MEIS2: variants seen among roughly 807,000 people sequenced by gnomAD.
The protein encoded by MEIS2 is Meis homeobox 2.
A neutral mutation model predicts 58.6 loss-of-function variants in MEIS2; 9 were observed. The ratio of observed to expected loss-of-function variants is 0.15; its 90% CI spans 0.09 to 0.27. The LOEUF (loss-of-function observed/expected upper bound fraction) is 0.27. Ranked by LOEUF, MEIS2 falls within the 10% of genes least tolerant of loss-of-function variation. The pLI is 1.00. For missense variants in MEIS2, 427 were observed against 635.0 expected (o/e 0.67, Z 3.52); for synonymous variants, 221 against 228.4 (o/e 0.97, Z 0.29).
chr15:36,916,070 C>T (rs1473952651), intron 9 of MEIS2, among the ~76,000 whole-genome samples: 3 of 151,964 alleles, frequency 2.0e-5, no homozygotes, highest in Non-Finnish European at 4.4e-5. Flanking sequence ...TCAGTTAATG[C>T]TCATAATTTT....
At chr15:36,978,659 C>T (rs1338542290) in intron 8 of MEIS2, among the ~76,000 whole-genome samples, 1 of 152,118 alleles carries the variant, frequency 6.6e-6, no homozygotes, top group African/African-American at 2.4e-5. Context: ...TCTTTACCTC[C>T]CAAAACTTTT....
At chr15:37,097,436 C>G (rs1894407732) in intron 2 of MEIS2, 1 of 152,848 alleles carries the variant, frequency 6.5e-6, no homozygotes, top group South Asian at 2.1e-4. Flanking sequence ...CGAGGTCTGC[C>G]CCCTTTATTT....
At chr15:37,010,857 A>G (rs2061125493) in intron 8 of MEIS2, among the ~76,000 whole-genome samples, 1 of 152,162 alleles carries the variant, frequency 6.6e-6, no homozygotes, top group South Asian at 2.1e-4. Flanking sequence ...CCCAAGAAAA[A>G]TGTCTAATTC....
chr15:37,075,682 G>C (rs1040633799), intron 7 of MEIS2, among the ~76,000 whole-genome samples: 1 of 152,040 alleles, frequency 6.6e-6, no homozygotes, highest in Non-Finnish European at 1.5e-5. Context: ...CAGGGAGAGA[G>C]AGAGAGACTA....
intron 7 of MEIS2, among the ~76,000 whole-genome samples, chr15:37,049,612 G>T (rs546829176): frequency 6.6e-6 from 1 of 151,582 alleles, no homozygotes; most frequent in Admixed American, 6.6e-5. Flanking sequence ...TCAGCCTCCC[G>T]AGTAGCTGGG....
chr15:36,921,546 T>C (rs147903784), intron 9 of MEIS2, among the ~76,000 whole-genome samples: 66 of 152,348 alleles, frequency 4.3e-4, no homozygotes, highest in African/African-American at 1.5e-3. Flanking sequence ...GGTTGCTTTC[T>C]GCCTCACTGT....
chr15:36,952,207 G>A (rs1197457633), intron 8 of MEIS2, among the ~76,000 whole-genome samples: 1 of 152,108 alleles, frequency 6.6e-6, no homozygotes. Flanking sequence ...AAGGCCTGGA[G>A]TACAAATTTT....
intron 9 of MEIS2, among the ~76,000 whole-genome samples, chr15:36,901,934 C>T (rs1254300018): frequency 6.6e-6 from 1 of 152,222 alleles, no homozygotes; most frequent in Admixed American, 6.5e-5. Flanking sequence ...TTGTTGTATA[C>T]TCCAGACTTA....
At chr15:36,983,494 A>T (rs2059996377) in intron 8 of MEIS2, among the ~76,000 whole-genome samples, 1 of 151,922 alleles carries the variant, frequency 6.6e-6, no homozygotes, top group African/African-American at 2.4e-5. Flanking sequence ...ATTCTATTTC[A>T]TTAGTCTATA....
chr15:37,065,309 A>G (rs1543245), intron 7 of MEIS2, among the ~76,000 whole-genome samples: 33,875 of 152,070 alleles, frequency 0.22, 3,857 homozygotes, highest in East Asian at 0.32. Context: ...GTCAGGAACA[A>G]CCCTGGAAGT....
At chr15:36,925,429 G>A (rs973417773) in intron 9 of MEIS2, among the ~76,000 whole-genome samples, 3 of 152,218 alleles carry the variant, frequency 2.0e-5, no homozygotes, top group African/African-American at 7.2e-5. Context: ...TCAAAGTGAT[G>A]CACGTTTATG....
chr15:37,009,362 T>C (rs1429206894), intron 8 of MEIS2, among the ~76,000 whole-genome samples: 1 of 152,258 alleles, frequency 6.6e-6, no homozygotes, highest in East Asian at 1.9e-4. Flanking sequence ...GGTCTCATCT[T>C]CACATTAATA....
intron 7 of MEIS2, among the ~76,000 whole-genome samples, chr15:37,056,892 C>A (rs1217846947): frequency 6.6e-6 from 1 of 152,242 alleles, no homozygotes; most frequent in Non-Finnish European, 1.5e-5. Flanking sequence ...GGTTAAGACT[C>A]TTTCTCAGGG....
chr15:37,047,721 T>C (rs1375833554), intron 7 of MEIS2, among the ~76,000 whole-genome samples: 2 of 152,218 alleles, frequency 1.3e-5, no homozygotes, highest in Non-Finnish European at 2.9e-5. Flanking sequence ...TCACATCTCC[T>C]ACAGAAGAAA....
intron 7 of MEIS2, among the ~76,000 whole-genome samples, chr15:37,063,455 T>G (rs1889515350): frequency 6.6e-6 from 1 of 152,218 alleles, no homozygotes; most frequent in African/African-American, 2.4e-5. Flanking sequence ...TTTCTAGATA[T>G]TCCAGGTAAA....
At chr15:37,084,343 T>C (rs35758952) in intron 6 of MEIS2, among the ~76,000 whole-genome samples, 10,717 of 152,138 alleles carry the variant, frequency 0.07, 527 homozygotes, top group Non-Finnish European at 0.1. Context: ...ATGACTCCAT[T>C]AAAAAAATTA....
intron 7 of MEIS2, among the ~76,000 whole-genome samples, chr15:37,043,078 C>G (rs1401149557): frequency 6.6e-6 from 1 of 152,184 alleles, no homozygotes; most frequent in African/African-American, 2.4e-5. Flanking sequence ...TAAAACTGAC[C>G]TCTCAGCCAT....
rs1338526206 is a variant in MEIS2, at chr15:36,895,138, T to G, written c.1147+13A>C. 1.9e-6 allele frequency: 3 copies of G among 1,610,142 alleles called. No homozygotes were observed. In the South Asian group the frequency reaches 3.3e-5, roughly 18 times the overall value. On this transcript the variant is annotated intron_variant, in intron 11 of 11. Coordinates refer to ENST00000561208, the MANE Select transcript of MEIS2 (RefSeq NM_170675.5). ...TTCCCAGGGAAGCCCAGAGGCGGGA[T>G]GAGCCAACCTACCTGCAGGCCGGAT... is the stretch of plus-strand genomic sequence containing the variant.
In MEIS2 at chr15:36,891,833, ATT is replaced by A; in HGVS notation, c.*338_*339del. On this transcript the variant is annotated 3_prime_UTR_variant, in exon 12 of 12. Transcript: ENST00000561208. ...CACATAGTGTGGAAAACAAGGATATATTTTTTTTTCTCTTCTAAAACTATTTG... is the reference window on the plus strand; with the variant it reads ...CACATAGTGTGGAAAACAAGGATATATTTTTTTCTCTTCTAAAACTATTTG... The A allele has an allele frequency of 3.2e-6, 1 of 310,032 alleles. No individual in the cohort carries two copies. Among genetic ancestry groups the A allele is most frequent in the Non-Finnish European group, 5.9e-6 (1 of 168,150 alleles). The allele number at this position is 310,032 out of a possible 1,614,324, so 19.2% of individuals were successfully genotyped here. A position where few individuals can be genotyped will look rare whatever the true frequency, so the allele number is the denominator to read the frequency against.
Sources: allele counts gnomAD v4.1 joint callset (sites outside exome capture counted in the v4.1 genomes callset), GRCh38; gene constraint gnomAD v4.1.1; transcripts MANE v1.5; gene names NCBI Gene and HGNC (gene_info 2026-07-23, HGNC 2026-07-21).